LRRTM4: variants seen among roughly 807,000 people sequenced by gnomAD.
The protein encoded by LRRTM4 is leucine-rich repeat transmembrane neuronal protein 4.
In LRRTM4, 25 loss-of-function variants were observed where a neutral mutation model predicts 47.6. The observed-to-expected ratio is 0.53, with a 90% CI of 0.38 to 0.73. The LOEUF is 0.73. Among genes scored for constraint, LRRTM4 ranks in the 30% least tolerant of loss-of-function variants. LRRTM4 has a pLI of 0.00. For synonymous variants in LRRTM4, 311 were observed against 269.5 expected (o/e 1.15, Z -1.51); for missense variants, 638 against 713.4 (o/e 0.89, Z 1.20).
At chr2:77,273,963 C>T (rs977490876) in intron 3 of LRRTM4, among the ~76,000 whole-genome samples, 3 of 152,056 alleles carry the variant, frequency 2.0e-5, no homozygotes, top group African/African-American at 4.8e-5. Flanking sequence ...AAATGACCTT[C>T]ATGAAATCCT....
Position 77,519,453 on chromosome 2 carries a change from T to A in LRRTM4, c.416A>T (p.Asp139Val). The part of the protein sequence containing the change: ...FHPVPNLRNL[D>V]LSYNKLQTLQ... ...TGTCTGAAGCTTATTGTAGGAGAGG[T>A]CCAGATTGCGGAGATTGGGAACTGG... Residue 139 changes from aspartate to valine, a missense_variant, in exon 3 of 4, where the codon GAC (aspartate) becomes GTC (valine). Asp to Val is a radical substitution (Grantham distance 152). Transcript: ENST00000409884. This position sits in a 1 kb window ranked among gnomAD's most constrained non-coding sequence, Gnocchi z 4.6. 1 of 1,613,474 alleles carries A rather than the reference T, an allele frequency of 6.2e-7. No individual in the cohort carries two copies. The highest frequency in any genetic ancestry group is 8.5e-7 in the Non-Finnish European group (1 of 1,179,642).
chr2:77,183,091 A>C (rs1362918373), intron 3 of LRRTM4, among the ~76,000 whole-genome samples: 3 of 152,180 alleles, frequency 2.0e-5, no homozygotes, highest in Non-Finnish European at 4.4e-5. Context: ...AATGGGATCT[A>C]ATTAAACTAA....
At chr2:77,225,194 C>T (rs1354988602) in intron 3 of LRRTM4, among the ~76,000 whole-genome samples, 1 of 126,224 alleles carries the variant, frequency 7.9e-6, no homozygotes, top group African/African-American at 3.1e-5. Flanking sequence ...AGGGGAACAT[C>T]ACACACCGGG....
chr2:76,966,063 A>T (rs1573378119), intron 3 of LRRTM4, among the ~76,000 whole-genome samples: 1 of 151,554 alleles, frequency 6.6e-6, no homozygotes, highest in Non-Finnish European at 1.5e-5. Context: ...CAATTTTAGG[A>T]AAGATGAAAT....
chr2:77,341,406 T>C (rs1391051950), intron 3 of LRRTM4, among the ~76,000 whole-genome samples: 1 of 151,990 alleles, frequency 6.6e-6, no homozygotes, highest in Non-Finnish European at 1.5e-5. Context: ...TGAACTCTGC[T>C]TAGTTTGACT....
intron 3 of LRRTM4, among the ~76,000 whole-genome samples, chr2:76,933,429 T>C (rs1289977457): frequency 6.6e-6 from 1 of 152,118 alleles, no homozygotes; most frequent in Non-Finnish European, 1.5e-5. Context: ...TTAGCATTGC[T>C]GTAAGGATCA....
Position 76,840,726 on chromosome 2 carries a change from A to T in LRRTM4, c.1552-91810T>A, listed in dbSNP as rs146547948. Among the ~76,000 whole-genome samples, 456 of 152,304 alleles carry T rather than the reference A, an allele frequency of 3.0e-3. 6 individuals are homozygous for T. The highest frequency in any genetic ancestry group is 0.01 in the African/African-American group (431 of 41,572). ...AGAGAGAGAGAAAGAGAATGGAATT[A>T]GTAGTGATATCTGAATTCTTGTTTC... On this transcript the variant is annotated intron_variant, in intron 3 of 3. Coordinates refer to ENST00000409884, the MANE Select transcript of LRRTM4 (RefSeq NM_001134745.3).
chr2:77,010,501 T>TACACACAC (rs34456976), intron 3 of LRRTM4, among the ~76,000 whole-genome samples: 6,728 of 139,722 alleles, frequency 0.048, 236 homozygotes, highest in Middle Eastern at 0.094. Flanking sequence ...TTGTATTGTT[T>TACACACAC]ACACACACAC....
chr2:77,210,763 G>A (rs1437038264), intron 3 of LRRTM4, among the ~76,000 whole-genome samples: 1 of 152,122 alleles, frequency 6.6e-6, no homozygotes. Flanking sequence ...AGTTCCACCT[G>A]AGGCCATTCA....
chr2:76,956,314 A>G (rs184417216), intron 3 of LRRTM4, among the ~76,000 whole-genome samples: 24 of 151,884 alleles, frequency 1.6e-4, no homozygotes, highest in Admixed American at 1.4e-3. Flanking sequence ...AATAAAAAAT[A>G]AAAGAAAATT....
intron 3 of LRRTM4, among the ~76,000 whole-genome samples, chr2:77,351,614 TTATATATATATATA>T (rs71656252): frequency 1.5e-5 from 2 of 135,398 alleles, no homozygotes; most frequent in African/African-American, 5.6e-5. Flanking sequence ...CATGACAAAT[TTATATATATATATA>T]TATATATATA....
intron 3 of LRRTM4, among the ~76,000 whole-genome samples, chr2:76,938,203 C>G (rs1020429948): frequency 6.6e-6 from 1 of 152,096 alleles, no homozygotes; most frequent in Non-Finnish European, 1.5e-5. Context: ...CTCAATCCAT[C>G]TACTGCCAAG....
intron 3 of LRRTM4, among the ~76,000 whole-genome samples, chr2:76,877,043 T>C (rs1259493284): frequency 6.6e-6 from 1 of 152,110 alleles, no homozygotes; most frequent in Non-Finnish European, 1.5e-5. Context: ...GGGCATCTTT[T>C]CTCATCTAGA....
chr2:76,781,616 C>A (rs545705014), intron 3 of LRRTM4, among the ~76,000 whole-genome samples: 1,892 of 148,418 alleles, frequency 0.013, 42 homozygotes, highest in African/African-American at 0.043. Flanking sequence ...CTTCGGCTCG[C>A]GCATGGTGCG....
chr2:77,008,114 T>C (rs527976388), intron 3 of LRRTM4, among the ~76,000 whole-genome samples: 3 of 152,290 alleles, frequency 2.0e-5, no homozygotes, highest in South Asian at 4.1e-4. Context: ...GCCAGAGGCA[T>C]CAATGAAAGA....
chr2:76,902,540 T>C (rs1393808992), intron 3 of LRRTM4, among the ~76,000 whole-genome samples: 1 of 152,166 alleles, frequency 6.6e-6, no homozygotes, highest in Non-Finnish European at 1.5e-5. Context: ...GAATCTGGAA[T>C]GTTAGAAATT....
chr2:76,934,979 A>T (rs1022494924), intron 3 of LRRTM4, among the ~76,000 whole-genome samples: 8 of 151,966 alleles, frequency 5.3e-5, no homozygotes, highest in African/African-American at 1.5e-4. Flanking sequence ...AAAAAAAAAA[A>T]GATGACTTAG....
chr2:77,015,709 G>A (rs989505230), intron 3 of LRRTM4, among the ~76,000 whole-genome samples: 1 of 152,088 alleles, frequency 6.6e-6, no homozygotes, highest in Admixed American at 6.6e-5. Flanking sequence ...CTTCTGCCTT[G>A]CAAATGTATG....
chr2:77,496,128 T>A (rs997173444), intron 3 of LRRTM4, among the ~76,000 whole-genome samples: 4 of 151,940 alleles, frequency 2.6e-5, no homozygotes, highest in Non-Finnish European at 5.9e-5. Flanking sequence ...ATGAATGGAA[T>A]GTTTTTATGT....
Sources: allele counts gnomAD v4.1 joint callset (sites outside exome capture counted in the v4.1 genomes callset), GRCh38; gene constraint gnomAD v4.1.1; non-coding constraint Gnocchi (gnomAD v3.1); transcripts MANE v1.5; gene names NCBI Gene and HGNC (gene_info 2026-07-23, HGNC 2026-07-21).